The following MS4A12 variants were observed in gnomAD, a reference collection of about 807,000 sequenced individuals.
MS4A12 encodes the protein membrane spanning 4-domains A12, also known as membrane-spanning 4-domains subfamily A member 12.
A neutral mutation model predicts 23.7 loss-of-function variants in MS4A12; 28 were observed. The ratio of observed to expected loss-of-function variants is 1.18; its 90% CI spans 0.88 to 1.62. The LOEUF is 1.62. Ranked by LOEUF, MS4A12 falls within the 40% of genes most tolerant of loss-of-function variation. The probability of loss-of-function intolerance (pLI) is 0.00; values close to 1 mark genes in which losing one functional copy is unlikely to be tolerated. For missense variants in MS4A12, 342 were observed against 327.0 expected (o/e 1.05, Z -0.35); for synonymous variants, 108 against 110.1 (o/e 0.98, Z 0.12).
In MS4A12 at chr11:60,497,647, T is replaced by C. The variant is rs201795286; in HGVS notation, c.276+53T>C. ...ATTTCACATTTGCAAGGTCTTCTTA[T>C]AAGTTATAGGAGAGTATCATCCAAT... On this transcript the variant is annotated intron_variant, in intron 2 of 6. Transcript: ENST00000016913. The C allele has an allele frequency of 2.5e-6, 4 of 1,573,602 alleles. No homozygotes were observed. The East Asian group carries it at 6.7e-5, about 26-fold the overall frequency.
chr11:60,498,874 T>G (rs10792279), intron 2 of MS4A12, among the ~76,000 whole-genome samples: 87,001 of 151,922 alleles, frequency 0.57, 25,062 homozygotes, highest in East Asian at 0.65. Flanking sequence ...GAAAATGTCT[T>G]TGAGGTATTT....
intron 5 of MS4A12, 46 bp from the exon 6 acceptor site, chr11:60,506,682 G>C (rs764202947): frequency 1.3e-6 from 2 of 1,503,208 alleles, no homozygotes; most frequent in Non-Finnish European, 9.2e-7. Flanking sequence ...GCCCACGTGA[G>C]GCCCTCCTGA....
At chr11:60,493,325 G>A (rs543386861) in intron 1 of MS4A12, among the ~76,000 whole-genome samples, 11 of 150,512 alleles carry the variant, frequency 7.3e-5, no homozygotes, top group African/African-American at 1.7e-4. Context: ...GCAGTGAGCC[G>A]AGATCGCTCC....
At chr11:60,506,412 T>C (rs937335876) in intron 5 of MS4A12, among the ~76,000 whole-genome samples, 10 of 152,198 alleles carry the variant, frequency 6.6e-5, no homozygotes, top group African/African-American at 2.4e-4. Context: ...GTTTCTGTAT[T>C]GCTTGACTTT....
In MS4A12 at chr11:60,503,792, T is replaced by G; in HGVS notation, c.563T>G (p.Val188Gly). Reference sequence around the variant, plus strand: ...CTGGTGGATATGTGCATCAATGGGGTAGCTGGCCAAGACTACTGGGCCGTG... The same window carrying G: ...CTGGTGGATATGTGCATCAATGGGGGAGCTGGCCAAGACTACTGGGCCGTG... ...LLLVDMCINGVAGQDYWAVLS... is the reference protein window; with the variant it reads ...LLLVDMCINGGAGQDYWAVLS... Residue 188 changes from valine (V) to glycine (G), a missense_variant, in exon 5 of 7, where the codon GTA (valine) becomes GGA (glycine). Transcript: ENST00000016913. 1.9e-6 allele frequency: 3 copies of G among 1,613,918 alleles called. No homozygotes were observed. Among genetic ancestry groups the G allele is most frequent in the Admixed American group, 1.7e-5 (1 of 60,004 alleles).
Position 60,495,137 on chromosome 11 carries a change from C to T in MS4A12, c.-6-2176C>T, listed in dbSNP as rs544753207. 1.4e-4 allele frequency among the ~76,000 whole-genome samples: 21 copies of T among 149,094 alleles called. No individual in the cohort carries two copies. The East Asian group carries it at 2.0e-3, about 14-fold the overall frequency. ...CCTCCCATGTAGCTGGGACTACAGG[C>T]GACCACCACTACACCCGGCTAATTT... On this transcript the variant is annotated intron_variant, in intron 1 of 6. Coordinates refer to ENST00000016913, the MANE Select transcript of MS4A12 (RefSeq NM_017716.3).
At chr11:60,493,462 G>A (rs2086464594) in intron 1 of MS4A12, among the ~76,000 whole-genome samples, 1 of 151,782 alleles carries the variant, frequency 6.6e-6, no homozygotes, top group African/African-American at 2.4e-5. Flanking sequence ...GGCCCAAAAG[G>A]ACGAGGCCAT....
chr11:60,497,203 C>G, intron 1 of MS4A12, 110 bp from the exon 2 acceptor site: 1 of 1,267,412 alleles, frequency 7.9e-7, no homozygotes, highest in South Asian at 1.5e-5. Flanking sequence ...ATTATCTGCT[C>G]ACTTGTTCTC....
chr11:60,497,398 C>T lies in MS4A12; in HGVS notation c.80C>T (p.Ala27Val), dbSNP rs1206636775. 2 of 1,614,170 alleles carry T rather than the reference C, an allele frequency of 1.2e-6. No homozygotes were observed. The highest frequency in any genetic ancestry group is 1.7e-6 in the Non-Finnish European group (2 of 1,180,020). ...PNPYPPSSFM[A>V]PGFQQPLGSI... ...CCTTACCCACCAAGCAGCTTTATGG[C>T]TCCTGGATTTCAACAGCCTCTGGGT... The change falls in exon 2 of 7, where the codon GCT becomes GTT. Residue 27 changes from alanine (A) to valine (V), a missense_variant. Ala to Val is a moderately conservative substitution (Grantham distance 64). Transcript: ENST00000016913.
rs1214232115 is a variant in MS4A12 at position 60,497,467 on chromosome 11, AG to A, written c.150del (p.Gln50HisfsTer23). The A allele has an allele frequency of 1.2e-6, 2 of 1,614,090 alleles. No individual in the cohort carries two copies. Among genetic ancestry groups the A allele is most frequent in the African/African-American group, 2.7e-5 (2 of 74,930 alleles). On this transcript the variant is annotated frameshift_variant, in exon 2 of 7. Coordinates refer to ENST00000016913, the MANE Select transcript of MS4A12 (RefSeq NM_017716.3). LOFTEE classifies it high-confidence loss of function. ...ENQAQGAQRA[Q>X]PYGITSPGIF... ...CAAGCTCAGGGTGCTCAGCGTGCTC[AG>A]CCCTACGGCATCACATCTCCGGGAA...
At chr11:60,505,000 T>C (rs899254480) in intron 5 of MS4A12, among the ~76,000 whole-genome samples, 20 of 152,216 alleles carry the variant, frequency 1.3e-4, no homozygotes, top group African/African-American at 4.6e-4. Context: ...GAATGATCAC[T>C]TTTGTGCTTG....
At chr11:60,505,412 C>T (rs2086562618) in intron 5 of MS4A12, among the ~76,000 whole-genome samples, 1 of 152,014 alleles carries the variant, frequency 6.6e-6, no homozygotes, top group Non-Finnish European at 1.5e-5. Context: ...CAGAGCCAAA[C>T]CGTATCAGGA....
chr11:60,499,079 A>T (rs1358144219), intron 2 of MS4A12, among the ~76,000 whole-genome samples: 2 of 152,178 alleles, frequency 1.3e-5, no homozygotes, highest in Non-Finnish European at 2.9e-5. Context: ...AAAATACTTT[A>T]AAAGAATGTG....
chr11:60,507,288 T>A lies in MS4A12; in HGVS notation c.*164T>A. 1.6e-6 allele frequency: 1 copy of A among 612,324 alleles called. No homozygotes were observed. Among genetic ancestry groups the A allele is most frequent in the Non-Finnish European group, 2.9e-6 (1 of 347,016 alleles). The allele number at this position is 612,324 out of a possible 1,614,324, so 37.9% of individuals were successfully genotyped here. A position where few individuals can be genotyped will look rare whatever the true frequency, so the allele number is the denominator to read the frequency against. On this transcript the variant is annotated 3_prime_UTR_variant, in exon 7 of 7. Coordinates refer to ENST00000016913, the MANE Select transcript of MS4A12 (RefSeq NM_017716.3). ...TAATGATGGCTGTATCTCCCTTCAC[T>A]GTCTCTTCCTACATTACCACTACTA... is the stretch of plus-strand genomic sequence containing the variant.
Position 60,507,091 on chromosome 11 carries a change from A to C in MS4A12, c.771A>C (p.Arg257Ser). The change falls in exon 7 of 7, where the codon AGA becomes AGC. Residue 257 changes from arginine (R) to serine (S), a missense_variant. By Grantham distance (110) the Arg-to-Ser change is moderately radical. Coordinates refer to ENST00000016913, the MANE Select transcript of MS4A12 (RefSeq NM_017716.3). ...VTPASSSAPP[R>S]CNNYSANAPK ...CAGCGTCTTCTTCAGCTCCTCCCAG[A>C]TGCAACAACTACTCAGCTAATGCCC... 1 of 1,613,902 alleles carries C rather than the reference A, an allele frequency of 6.2e-7. No homozygotes were observed. The highest frequency in any genetic ancestry group is 8.5e-7 in the Non-Finnish European group (1 of 1,179,710).
intron 5 of MS4A12, 118 bp from the exon 6 acceptor site, chr11:60,506,610 A>G (rs1590864546): frequency 1.5e-6 from 1 of 677,796 alleles, no homozygotes; most frequent in African/African-American, 1.8e-5. Flanking sequence ...TACTGGAAGA[A>G]TAAGCATGGA....
Position 60,507,202 on chromosome 11 carries a change from T to G in MS4A12, c.*78T>G, listed in dbSNP as rs556994577. 10 of 1,153,702 alleles carry G rather than the reference T, an allele frequency of 8.7e-6. No homozygotes were observed. Among genetic ancestry groups the G allele is most frequent in the Non-Finnish European group, 1.3e-5 (10 of 778,272 alleles). The allele number at this position is 1,153,702 out of a possible 1,614,324, so 71.5% of individuals were successfully genotyped here. A position where few individuals can be genotyped will look rare whatever the true frequency, so the allele number is the denominator to read the frequency against. The stretch of plus-strand genomic sequence containing the variant: ...AACTTCTTAAGAAGATGTCTTTTAT[T>G]GTCTACAATGATTTCTAGTCTTTAA... On this transcript the variant is annotated 3_prime_UTR_variant, in exon 7 of 7. Coordinates refer to ENST00000016913, the MANE Select transcript of MS4A12 (RefSeq NM_017716.3).
intron 2 of MS4A12, among the ~76,000 whole-genome samples, chr11:60,499,181 A>T (rs1565204001): frequency 6.6e-6 from 1 of 152,232 alleles, no homozygotes; most frequent in Non-Finnish European, 1.5e-5. Flanking sequence ...CCTGGGCATC[A>T]TGACAGTGCA....
intron 5 of MS4A12, among the ~76,000 whole-genome samples, 184 bp downstream of exon 5, chr11:60,504,001 G>T (rs991103892): frequency 7.2e-5 from 11 of 152,186 alleles, no homozygotes; most frequent in Non-Finnish European, 1.2e-4. Flanking sequence ...TCTACAGATA[G>T]ACCGAGGCTT....
Sources: allele counts gnomAD v4.1 joint callset (sites outside exome capture counted in the v4.1 genomes callset), GRCh38; gene constraint gnomAD v4.1.1; transcripts MANE v1.5; gene names NCBI Gene and HGNC (gene_info 2026-07-23, HGNC 2026-07-21).